CHMP2B: variants seen among roughly 807,000 people sequenced by gnomAD.
The protein encoded by CHMP2B is VPS2 homolog B.
In CHMP2B, 22 loss-of-function variants were observed where a neutral mutation model predicts 29.8. The observed-to-expected ratio is 0.74, with a 90% CI of 0.53 to 1.05. The LOEUF (loss-of-function observed/expected upper bound fraction) is 1.05. Among genes scored for constraint, CHMP2B ranks in the 50% least tolerant of loss-of-function variants. The probability of loss-of-function intolerance (pLI) is 0.00; values close to 1 mark genes in which losing one functional copy is unlikely to be tolerated. For missense variants in CHMP2B, 261 were observed against 252.2 expected (o/e 1.03, Z -0.24); for synonymous variants, 78 against 75.8 (o/e 1.03, Z -0.15).
At chr3:87,235,535 A>G (rs1358255174) in intron 1 of CHMP2B, among the ~76,000 whole-genome samples, 1 of 152,200 alleles carries the variant, frequency 6.6e-6, no homozygotes, top group Non-Finnish European at 1.5e-5. Context: ...TGGAATATGC[A>G]GTAGTTAATT....
At chr3:87,241,442 C>T (rs1416446065) in intron 2 of CHMP2B, among the ~76,000 whole-genome samples, 1 of 152,126 alleles carries the variant, frequency 6.6e-6, no homozygotes, top group Non-Finnish European at 1.5e-5. Context: ...CCTTATGCCC[C>T]TGGAAATCCC....
Position 87,253,716 on chromosome 3 carries a change from C to A in CHMP2B, c.536C>A (p.Ala179Asp). 6.2e-7 allele frequency: 1 copy of A among 1,611,562 alleles called. No individual in the cohort carries two copies. Residue 179 changes from alanine to aspartate, a missense_variant, in exon 6 of 6, where the codon GCC becomes GAC. Transcript: ENST00000263780. ...CTTTTTCATTGTTTAATATAGATGGCCAAAGCTCCATCAGCTGCTCGAAGC... is the reference window on the plus strand; with the variant it reads ...CTTTTTCATTGTTTAATATAGATGGACAAAGCTCCATCAGCTGCTCGAAGC... ...EIGIEISGKMAKAPSAARSLP... is the reference protein window; with the variant it reads ...EIGIEISGKMDKAPSAARSLP...
chr3:87,229,434 G>T (rs1426708945), intron 1 of CHMP2B, among the ~76,000 whole-genome samples: 1 of 113,118 alleles, frequency 8.8e-6, no homozygotes, highest in African/African-American at 3.5e-5. Flanking sequence ...AAACTACCAA[G>T]ATGCATACTT....
At position 87,227,366 on chromosome 3, in the gene CHMP2B, G is replaced by A; in HGVS notation, c.-157G>A. ...GCGGCTGCGGTAGCTGCGGATACAA[G>A]CCTTCCGCGGGTCCTGCCTGGCGAC... On this transcript the variant is annotated 5_prime_UTR_variant, in exon 1 of 6. Transcript: ENST00000263780. 5 of 743,890 alleles carry A rather than the reference G, an allele frequency of 6.7e-6. No homozygotes were observed. The South Asian group carries it at 7.5e-5, about 11-fold the overall frequency. 46.1% of individuals were successfully genotyped at this position (743,890 alleles called of 1,614,324 possible).
intron 2 of CHMP2B, among the ~76,000 whole-genome samples, chr3:87,244,748 T>C (rs996648201): frequency 1.3e-5 from 2 of 152,158 alleles, no homozygotes; most frequent in Admixed American, 6.5e-5. Context: ...TGGAATACTT[T>C]GGTGATTGTT....
chr3:87,245,785 G>A lies in CHMP2B; in HGVS notation c.198G>A (p.Val66=). The change falls in exon 3 of 6, where the codon GTG becomes GTA. Residue 66 remains valine (V), a synonymous_variant. Coordinates refer to ENST00000263780, the MANE Select transcript of CHMP2B (RefSeq NM_014043.4). ...EACKVLAKQL[V]HLRKQKTRTF... Reference sequence around the variant, plus strand: ...GCAAAGTTTTAGCCAAACAACTTGTGCATCTACGGAAACAGAAGACGAGAA... The same window carrying A: ...GCAAAGTTTTAGCCAAACAACTTGTACATCTACGGAAACAGAAGACGAGAA... The A allele has an allele frequency of 1.2e-6, 2 of 1,613,834 alleles. No individual in the cohort carries two copies. The highest frequency in any genetic ancestry group is 2.2e-5 in the East Asian group (1 of 44,810).
At chr3:87,239,555 A>G (rs1362243903) in intron 1 of CHMP2B, among the ~76,000 whole-genome samples, 1 of 152,170 alleles carries the variant, frequency 6.6e-6, no homozygotes, top group Non-Finnish European at 1.5e-5. Context: ...CTTTATTAAA[A>G]AGTTAGCCTA....
intron 4 of CHMP2B, among the ~76,000 whole-genome samples, chr3:87,252,053 TAAAAG>T: frequency 6.6e-6 from 1 of 152,036 alleles, no homozygotes; most frequent in East Asian, 1.9e-4. Context: ...AAATTTTAAA[TAAAAG>T]ACAAGAAGGA....
chr3:87,240,604 G>T (rs991738005), intron 1 of CHMP2B, 95 bp from the exon 2 acceptor site: 11 of 930,524 alleles, frequency 1.2e-5, no homozygotes, highest in Non-Finnish European at 1.9e-5. Context: ...GCCAATATAA[G>T]ATTTTTTTAA....
In CHMP2B at chr3:87,227,449, C is replaced by T; in HGVS notation, c.-74C>T. 1 of 1,583,880 alleles carries T rather than the reference C, an allele frequency of 6.3e-7. No individual in the cohort carries two copies. Among genetic ancestry groups the T allele is most frequent in the Non-Finnish European group, 8.7e-7 (1 of 1,152,670 alleles). ...CACCCCGAACCCGCCAAGGTCCTGT[C>T]CTTTTCCTCCTGTCCTTTGCCAGCG... On this transcript the variant is annotated 5_prime_UTR_variant, in exon 1 of 6. Coordinates refer to ENST00000263780, the MANE Select transcript of CHMP2B (RefSeq NM_014043.4).
intron 2 of CHMP2B, among the ~76,000 whole-genome samples, chr3:87,243,087 G>T (rs1706150060): frequency 1.3e-5 from 2 of 151,956 alleles, no homozygotes; most frequent in Non-Finnish European, 2.9e-5. Context: ...TATGTCTTCT[G>T]ACCTATGAAG....
At position 87,253,975 on chromosome 3, in the gene CHMP2B, A is replaced by G; in HGVS notation, c.*153A>G. ...TGTTTCCTAACCCATGGCTATTTAG[A>G]ATCTTTTGCCAAAGAATGACAATGA... is the stretch of plus-strand genomic sequence containing the variant. On this transcript the variant is annotated 3_prime_UTR_variant, in exon 6 of 6. Coordinates refer to ENST00000263780, the MANE Select transcript of CHMP2B (RefSeq NM_014043.4). 1.7e-6 allele frequency: 1 copy of G among 592,364 alleles called. No individual in the cohort carries two copies. The highest frequency in any genetic ancestry group is 3.0e-6 in the Non-Finnish European group (1 of 335,502). 36.7% of individuals were successfully genotyped at this position (592,364 alleles called of 1,614,324 possible).
intron 1 of CHMP2B, among the ~76,000 whole-genome samples, chr3:87,230,550 C>A (rs949132685): frequency 2.6e-5 from 4 of 152,146 alleles, no homozygotes; most frequent in African/African-American, 9.7e-5. Flanking sequence ...CGTTTACATT[C>A]TTTCTGGAAC....
chr3:87,235,411 CATA>C (rs1408742324), intron 1 of CHMP2B, among the ~76,000 whole-genome samples: 1 of 151,794 alleles, frequency 6.6e-6, no homozygotes, highest in Non-Finnish European at 1.5e-5. Flanking sequence ...TCCTACTTAC[CATA>C]ATATGTTTTA....
chr3:87,243,135 T>A (rs1706151240), intron 2 of CHMP2B, among the ~76,000 whole-genome samples: 1 of 152,156 alleles, frequency 6.6e-6, no homozygotes, highest in Non-Finnish European at 1.5e-5. Context: ...TCTCCATTTA[T>A]TTAGATCTTC....
At chr3:87,248,023 C>T (rs972393881) in intron 3 of CHMP2B, among the ~76,000 whole-genome samples, 2 of 151,954 alleles carry the variant, frequency 1.3e-5, no homozygotes, top group Non-Finnish European at 2.9e-5. Flanking sequence ...TCAAGCCGGG[C>T]ATGGTGGCTC....
At chr3:87,240,845 G>T (rs768113049) in intron 2 of CHMP2B, 55 bp downstream of exon 2, 5 of 1,346,626 alleles carry the variant, frequency 3.7e-6, no homozygotes, top group Non-Finnish European at 5.3e-6. Context: ...GGAAATTACT[G>T]TAGGAATAAT....
chr3:87,238,499 T>C (rs1054903042), intron 1 of CHMP2B, among the ~76,000 whole-genome samples: 3 of 152,172 alleles, frequency 2.0e-5, no homozygotes, highest in Admixed American at 6.5e-5. Context: ...CATATACCAA[T>C]TTGTTCTGTC....
intron 4 of CHMP2B, among the ~76,000 whole-genome samples, chr3:87,252,691 A>G (rs1706337418): frequency 6.6e-6 from 1 of 151,916 alleles, no homozygotes; most frequent in South Asian, 2.1e-4. Flanking sequence ...TTCTCCGTCT[A>G]TATACCCATT....
Sources: allele counts gnomAD v4.1 joint callset (sites outside exome capture counted in the v4.1 genomes callset), GRCh38; gene constraint gnomAD v4.1.1; transcripts MANE v1.5; gene names NCBI Gene and HGNC (gene_info 2026-07-23, HGNC 2026-07-21).